ABHD18: variants seen among roughly 807,000 people sequenced by gnomAD.
The protein encoded by ABHD18 is cardiolipin-specific deacylase, mitochondrial.
A neutral mutation model predicts 65.9 loss-of-function variants in ABHD18; 55 were observed. The observed-to-expected ratio is 0.84, with a 90% confidence interval of 0.67 to 1.05. The LOEUF (loss-of-function observed/expected upper bound fraction) is 1.05. ABHD18 is among the 50% of genes least tolerant of loss of function. The pLI, the probability that ABHD18 is intolerant of heterozygous loss-of-function variation, is 0.00. For missense variants in ABHD18, 533 were observed against 558.5 expected (o/e 0.95, Z 0.46); for synonymous variants, 181 against 180.2 (o/e 1.00, Z -0.04).
intron 1 of ABHD18, among the ~76,000 whole-genome samples, chr4:127,980,308 C>T (rs1284591401): frequency 1.3e-5 from 2 of 152,170 alleles, no homozygotes; most frequent in African/African-American, 4.8e-5. Context: ...AAGGTCCTCA[C>T]CAAATGTTTC....
intron 8 of ABHD18, among the ~76,000 whole-genome samples, chr4:128,018,410 C>T (rs922055082): frequency 5.3e-5 from 8 of 152,016 alleles, no homozygotes; most frequent in African/African-American, 1.9e-4. Context: ...TGCACCTGGC[C>T]TAAAAAATAA....
At chr4:128,008,760 G>A (rs539617228) in intron 4 of ABHD18, among the ~76,000 whole-genome samples, 160 bp from the exon 5 acceptor site, 13 of 152,226 alleles carry the variant, frequency 8.5e-5, no homozygotes, top group Non-Finnish European at 1.2e-4. Flanking sequence ...TCTTTGTAGC[G>A]TTTGGACAAC....
Position 128,035,911 on chromosome 4 carries a change from A to G in ABHD18, c.*98A>G. On this transcript the variant is annotated 3_prime_UTR_variant, in exon 13 of 13. Coordinates refer to ENST00000645843, the MANE Select transcript of ABHD18 (RefSeq NM_001358451.3). ...AAGGACAAGCAGACAGCACTAATATATCTAATCGCTATCAATTTGGTCTGG... is the reference window on the plus strand; with the variant it reads ...AAGGACAAGCAGACAGCACTAATATGTCTAATCGCTATCAATTTGGTCTGG... 1.7e-6 allele frequency: 1 copy of G among 584,424 alleles called. No homozygotes were observed. The allele number at this position is 584,424 out of a possible 1,614,324, so 36.2% of individuals were successfully genotyped here.
At chr4:127,982,720 C>T (rs1433270996) in intron 1 of ABHD18, among the ~76,000 whole-genome samples, 2 of 152,172 alleles carry the variant, frequency 1.3e-5, no homozygotes, top group African/African-American at 4.8e-5. Flanking sequence ...AGATCCTACC[C>T]TAGAGAAATT....
chr4:128,011,799 C>T, intron 7 of ABHD18, 99 bp downstream of exon 7: 1 of 614,074 alleles, frequency 1.6e-6, no homozygotes, highest in Non-Finnish European at 2.6e-6. Context: ...AAATTGAATA[C>T]CTAAATATTA....
rs1271064768 is a variant in ABHD18, at chr4:128,011,816, G to A, written c.470+116G>A. The A allele has an allele frequency of 2.9e-5, 13 of 455,112 alleles. 1 individual carries two copies. The East Asian group carries it at 5.8e-4, about 20-fold the overall frequency. 28.2% of individuals were successfully genotyped at this position (455,112 alleles called of 1,614,324 possible). A position where few individuals can be genotyped will look rare whatever the true frequency, so the allele number is the denominator to read the frequency against. Reference sequence around the variant, plus strand: ...ATTGAATACCTAAATATTATGGGGGGGGGGAGTTCTGTTATGAAACTGTAG... The same window carrying A: ...ATTGAATACCTAAATATTATGGGGGAGGGGAGTTCTGTTATGAAACTGTAG... On this transcript the variant is annotated intron_variant, in intron 7 of 12. Coordinates refer to ENST00000645843, the MANE Select transcript of ABHD18 (RefSeq NM_001358451.3).
At position 127,984,923 on chromosome 4, in the gene ABHD18, G is replaced by A. The variant is rs1041640556; in HGVS notation, c.177+500G>A. On this transcript the variant is annotated intron_variant, in intron 3 of 12. Coordinates refer to ENST00000645843, the MANE Select transcript of ABHD18 (RefSeq NM_001358451.3). ...TTAACTGGATGTTTTTAATAACTAT[G>A]TTCACATATATTGGAAGCATATGTT... 2.0e-5 allele frequency among the ~76,000 whole-genome samples: 3 copies of A among 152,106 alleles called. 1 individual carries two copies. In the South Asian group the frequency reaches 6.2e-4, roughly 31 times the overall value.
In ABHD18 at chr4:128,023,779, G is replaced by A. The variant is rs570338548; in HGVS notation, c.801+2541G>A. Among the ~76,000 whole-genome samples the A allele has an allele frequency of 1.4e-4, 21 of 152,276 alleles. No individual in the cohort carries two copies. The South Asian group carries it at 4.1e-3, about 30-fold the overall frequency. On this transcript the variant is annotated intron_variant, in intron 10 of 12. Transcript: ENST00000645843. ...GGCGCCTGCAGTCCCAGCTACTCGGGAGGCTGAGGCAGGAGAATGGCGTGA... is the reference window on the plus strand; with the variant it reads ...GGCGCCTGCAGTCCCAGCTACTCGGAAGGCTGAGGCAGGAGAATGGCGTGA...
chr4:128,030,745 T>C, intron 12 of ABHD18, 73 bp downstream of exon 12: 1 of 1,520,076 alleles, frequency 6.6e-7, no homozygotes, highest in Non-Finnish European at 8.7e-7. Flanking sequence ...TCAACAAATG[T>C]AAAAGATCAC....
chr4:128,027,933 G>A (rs889598799), intron 10 of ABHD18, among the ~76,000 whole-genome samples: 5 of 152,098 alleles, frequency 3.3e-5, no homozygotes, highest in African/African-American at 4.8e-5. Flanking sequence ...TATCTTAGTC[G>A]TGAGTTAAAT....
chr4:128,020,885 T>G (rs1579415360), intron 9 of ABHD18, among the ~76,000 whole-genome samples: 1 of 151,958 alleles, frequency 6.6e-6, no homozygotes, highest in African/African-American at 2.4e-5. Flanking sequence ...AATACAAAAA[T>G]TAGCTGGGCG....
chr4:127,976,096 G>A (rs1157452585), intron 1 of ABHD18, among the ~76,000 whole-genome samples: 3 of 152,150 alleles, frequency 2.0e-5, no homozygotes, highest in African/African-American at 7.2e-5. Context: ...GGGATTACAG[G>A]CATGAACCAC....
chr4:128,039,787 C>T lies in ABHD18; in HGVS notation c.*3974C>T, dbSNP rs955118553. 6.6e-6 allele frequency: 1 copy of T among 151,972 alleles called. No individual in the cohort carries two copies. Among genetic ancestry groups the T allele is most frequent in the Non-Finnish European group, 1.5e-5 (1 of 67,996 alleles). The allele number at this position is 151,972 out of a possible 1,614,324, so 9.4% of individuals were successfully genotyped here. ...GTCACATTTGATTAATGTACCCAAA[C>T]TTGAACTGAGTGTATATGTTCCCTC... On this transcript the variant is annotated 3_prime_UTR_variant, in exon 13 of 13. Coordinates refer to ENST00000645843, the MANE Select transcript of ABHD18 (RefSeq NM_001358451.3).
chr4:127,990,599 A>G (rs1470877343), intron 4 of ABHD18, among the ~76,000 whole-genome samples: 2 of 152,078 alleles, frequency 1.3e-5, no homozygotes, highest in East Asian at 3.8e-4. Context: ...AATTTTTACA[A>G]TGTACATGTG....
At chr4:128,013,327 GAGA>G (rs1266405992) in intron 7 of ABHD18, among the ~76,000 whole-genome samples, 1 of 152,176 alleles carries the variant, frequency 6.6e-6, no homozygotes, top group African/African-American at 2.4e-5. Flanking sequence ...TGGAAATGGA[GAGA>G]AGTTTTCCTG....
At chr4:127,975,744 T>G (rs1747788612) in intron 1 of ABHD18, among the ~76,000 whole-genome samples, 3 of 151,436 alleles carry the variant, frequency 2.0e-5, no homozygotes, top group Admixed American at 2.0e-4. Flanking sequence ...CATATAGAAT[T>G]TTTTTAAATC....
At chr4:127,994,960 A>ACCTCTG in intron 4 of ABHD18, among the ~76,000 whole-genome samples, 1 of 152,152 alleles carries the variant, frequency 6.6e-6, no homozygotes, top group Non-Finnish European at 1.5e-5. Context: ...GCTTACTGCA[A>ACCTCTG]CCTCTGCCTC....
At chr4:128,003,991 A>G (rs1242130122) in intron 4 of ABHD18, among the ~76,000 whole-genome samples, 3 of 151,634 alleles carry the variant, frequency 2.0e-5, no homozygotes, top group Non-Finnish European at 2.9e-5. Flanking sequence ...ACAAAAAACC[A>G]TTTCAATTGT....
chr4:128,016,170 T>C (rs1755460538), intron 7 of ABHD18, among the ~76,000 whole-genome samples: 1 of 151,818 alleles, frequency 6.6e-6, no homozygotes, highest in South Asian at 2.1e-4. Flanking sequence ...GTCAGGCTGG[T>C]CTCTAACTCC....
Sources: gnomAD v4.1 joint callset for allele counts (sites outside exome capture counted in the v4.1 genomes callset) on GRCh38, gnomAD v4.1.1 for gene constraint, MANE v1.5 for transcripts, NCBI Gene and HGNC (gene_info 2026-07-23, HGNC 2026-07-21) for gene names.